The following RANBP17 variants were observed in gnomAD, a reference collection of about 807,000 sequenced individuals.
RANBP17 encodes ran-binding protein 17.
Under a neutral mutation model 141.2 loss-of-function variants are expected in RANBP17, and 158 were observed. The ratio of observed to expected loss-of-function variants is 1.12; its 90% CI spans 0.98 to 1.28. The LOEUF is 1.28. RANBP17 is among the 50% of genes most tolerant of loss of function. The pLI, the probability that RANBP17 is intolerant of heterozygous loss-of-function variation, is 0.00. For synonymous variants in RANBP17, 430 were observed against 450.0 expected, an observed-to-expected ratio of 0.96 and a Z score of 0.56; for missense variants, 1,438 against 1,290.7, an observed-to-expected ratio of 1.11 and a Z score of -1.75.
At chr5:170,972,311 A>G (rs759534687) in intron 14 of RANBP17, among the ~76,000 whole-genome samples, 29 of 151,036 alleles carry the variant, frequency 1.9e-4, no homozygotes, top group Non-Finnish European at 4.1e-4. Context: ...CCTCCCAAGT[A>G]GCTGGGATTA....
chr5:171,025,355 A>G (rs142517293), intron 14 of RANBP17, among the ~76,000 whole-genome samples: 22 of 152,298 alleles, frequency 1.4e-4, no homozygotes, highest in African/African-American at 5.1e-4. Context: ...GCTTTATGCT[A>G]TACCATTTTC....
chr5:171,058,368 G>A (rs1450125298), intron 14 of RANBP17, among the ~76,000 whole-genome samples: 1 of 131,346 alleles, frequency 7.6e-6, no homozygotes, highest in African/African-American at 2.9e-5. Context: ...GTGTCCATGT[G>A]TTCTCATTGT....
At chr5:171,233,700 T>C (rs887934985) in intron 22 of RANBP17, among the ~76,000 whole-genome samples, 2 of 152,176 alleles carry the variant, frequency 1.3e-5, no homozygotes, top group African/African-American at 4.8e-5. Flanking sequence ...GGGAAAACTA[T>C]GAAGACAGTA....
At chr5:171,108,173 GAT>G (rs1272739122) in intron 14 of RANBP17, among the ~76,000 whole-genome samples, 8 of 151,744 alleles carry the variant, frequency 5.3e-5, no homozygotes, top group Non-Finnish European at 1.2e-4. Flanking sequence ...TTTGGAAAGA[GAT>G]TATTTGCCAA....
In RANBP17 at chr5:170,923,532, C is replaced by T. The variant is rs191321851; in HGVS notation, c.1275-825C>T. Among the ~76,000 whole-genome samples the T allele has an allele frequency of 7.6e-4, 116 of 152,246 alleles. No individual in the cohort carries two copies. In the Middle Eastern group the frequency reaches 0.017, roughly 22 times the overall value. ...GTTTCTTAGTTTCTACAAAGAAGTT[C>T]TGCTGGGATTTTGACTGGGATTGCA... On this transcript the variant is annotated intron_variant, in intron 11 of 27. Transcript: ENST00000523189.
chr5:170,941,249 G>A (rs1016182600), intron 12 of RANBP17, among the ~76,000 whole-genome samples: 2 of 151,894 alleles, frequency 1.3e-5, no homozygotes, highest in Non-Finnish European at 2.9e-5. Flanking sequence ...AGAAGGAAAC[G>A]AAGCAGAAAT....
chr5:171,119,064 T>C (rs1418184513), intron 14 of RANBP17, among the ~76,000 whole-genome samples: 1 of 152,222 alleles, frequency 6.6e-6, no homozygotes, highest in Non-Finnish European at 1.5e-5. Flanking sequence ...GTTTGACATA[T>C]ATGGCCTTTA....
At chr5:170,923,684 A>G (rs938353382) in intron 11 of RANBP17, among the ~76,000 whole-genome samples, 1 of 152,150 alleles carries the variant, frequency 6.6e-6, no homozygotes, top group African/African-American at 2.4e-5. Context: ...CAAACATTTT[A>G]TGGTATTTAG....
chr5:171,181,746 A>G (rs763601263), intron 16 of RANBP17, among the ~76,000 whole-genome samples: 5 of 152,220 alleles, frequency 3.3e-5, no homozygotes, highest in Non-Finnish European at 5.9e-5. Context: ...CTTACCTGAA[A>G]AATATAAGTG....
At chr5:170,946,275 A>G (rs960423921) in intron 12 of RANBP17, among the ~76,000 whole-genome samples, 1 of 152,172 alleles carries the variant, frequency 6.6e-6, no homozygotes, top group African/African-American at 2.4e-5. Context: ...AAAACATAAC[A>G]GGAAGGTAAT....
intron 13 of RANBP17, among the ~76,000 whole-genome samples, chr5:170,965,104 A>G (rs1776448968): frequency 6.6e-6 from 1 of 152,016 alleles, no homozygotes; most frequent in South Asian, 2.1e-4. Context: ...CTGGTGTGAG[A>G]TGGTATCTCA....
chr5:170,872,567 A>T (rs1032635689), intron 1 of RANBP17, among the ~76,000 whole-genome samples: 9 of 152,100 alleles, frequency 5.9e-5, no homozygotes, highest in African/African-American at 2.2e-4. Context: ...GTGGTGAGAG[A>T]GGGTATCCTT....
chr5:170,879,290 T>G (rs1373825819), intron 2 of RANBP17, among the ~76,000 whole-genome samples: 2 of 152,184 alleles, frequency 1.3e-5, no homozygotes, highest in Non-Finnish European at 1.5e-5. Context: ...GATATTTGCC[T>G]TTTAGCATGT....
At chr5:171,200,057 A>G (rs1002956886) in intron 19 of RANBP17, among the ~76,000 whole-genome samples, 1 of 152,312 alleles carries the variant, frequency 6.6e-6, no homozygotes, top group South Asian at 2.1e-4. Context: ...TTGTGGGTAC[A>G]CCACTTTAAA....
At chr5:171,187,882 CT>C in intron 18 of RANBP17, among the ~76,000 whole-genome samples, 1 of 152,290 alleles carries the variant, frequency 6.6e-6, no homozygotes, top group Non-Finnish European at 1.5e-5. Context: ...ACCAATAATA[CT>C]TTTTTCTTTG....
intron 14 of RANBP17, among the ~76,000 whole-genome samples, chr5:171,053,920 TATATAA>T (rs1561596710): frequency 5.3e-4 from 33 of 62,454 alleles, no homozygotes; most frequent in Non-Finnish European, 8.1e-4. Flanking sequence ...TATATATATA[TATATAA>T]TTGCTGTATT....
intron 14 of RANBP17, among the ~76,000 whole-genome samples, chr5:171,141,461 G>A (rs944778122): frequency 1.3e-5 from 2 of 150,542 alleles, no homozygotes; most frequent in African/African-American, 2.4e-5. Context: ...CAAAAAATTA[G>A]CCAGGCGTGG....
At chr5:170,921,721 C>T (rs759951672) in intron 11 of RANBP17, among the ~76,000 whole-genome samples, 1 of 152,162 alleles carries the variant, frequency 6.6e-6, no homozygotes, top group African/African-American at 2.4e-5. Flanking sequence ...TATCCATGAG[C>T]ATGGAATGTT....
intron 3 of RANBP17, among the ~76,000 whole-genome samples, chr5:170,885,501 TA>T (rs1021286991): frequency 4.6e-5 from 7 of 151,926 alleles, no homozygotes; most frequent in African/African-American, 1.7e-4. Context: ...AAAGATTTTG[TA>T]ACTCCTTGGA....
Sources: gnomAD v4.1 joint callset for allele counts (sites outside exome capture counted in the v4.1 genomes callset) on GRCh38, gnomAD v4.1.1 for gene constraint, MANE v1.5 for transcripts, NCBI Gene and HGNC (gene_info 2026-07-23, HGNC 2026-07-21) for gene names.